The following SAMD12 variants were observed in gnomAD, a reference collection of about 807,000 sequenced individuals.
SAMD12 encodes the protein sterile alpha motif domain containing 12.
Under a neutral mutation model 15.0 loss-of-function variants are expected in SAMD12, and 9 were observed. That is an observed-to-expected ratio of 0.60 (90% CI 0.36 to 1.05). The LOEUF is 1.05. Ranked by LOEUF, SAMD12 falls within the 50% of genes least tolerant of loss-of-function variation. The pLI is 0.01. For synonymous variants in SAMD12, 86 were observed against 90.1 expected (o/e 0.96, Z 0.25); for missense variants, 230 against 234.2 (o/e 0.98, Z 0.12).
chr8:118,438,454 C>A (rs1049963925), intron 3 of SAMD12, among the ~76,000 whole-genome samples: 1 of 151,480 alleles, frequency 6.6e-6, no homozygotes, highest in East Asian at 1.9e-4. Flanking sequence ...CAAAATCAAT[C>A]AAGTTTTCTG....
intron 4 of SAMD12, among the ~76,000 whole-genome samples, chr8:118,311,401 G>A (rs1172889017): frequency 1.3e-5 from 2 of 152,176 alleles, no homozygotes; most frequent in Non-Finnish European, 2.9e-5. Context: ...GTCTGTGGTT[G>A]CTTTTGTGCT....
intron 3 of SAMD12, among the ~76,000 whole-genome samples, chr8:118,387,458 C>G (rs1199023265): frequency 2.7e-5 from 3 of 112,886 alleles, no homozygotes; most frequent in Non-Finnish European, 5.3e-5. Context: ...CCTCCTCCTC[C>G]TACTCCCCTC....
chr8:118,197,720 C>A, exon 5 of SAMD12: 1 of 1,613,462 alleles, frequency 6.2e-7, no homozygotes, highest in Non-Finnish European at 8.5e-7. Context: ...TTATGGAGAA[C>A]CCTCAGATGA....
chr8:118,457,939 C>A (rs898230001), intron 2 of SAMD12, among the ~76,000 whole-genome samples: 1 of 152,188 alleles, frequency 6.6e-6, no homozygotes, highest in Non-Finnish European at 1.5e-5. Flanking sequence ...TAGGGAGGAT[C>A]ATTCAGGACC....
intron 3 of SAMD12, among the ~76,000 whole-genome samples, chr8:118,427,089 T>G (rs143633289): frequency 8.5e-5 from 13 of 152,318 alleles, no homozygotes; most frequent in Non-Finnish European, 1.3e-4. Context: ...TAAGAATGCT[T>G]TGGTATCTTC....
At chr8:118,396,281 T>C (rs73327547) in intron 3 of SAMD12, among the ~76,000 whole-genome samples, 2 of 152,176 alleles carry the variant, frequency 1.3e-5, no homozygotes, top group South Asian at 4.1e-4. Context: ...CTGAGTTTTC[T>C]ATGTGAAAGT....
chr8:118,155,181 G>A, the SAMD12 span, among the ~76,000 whole-genome samples: 2 of 152,160 alleles, frequency 1.3e-5, no homozygotes, highest in Middle Eastern at 3.4e-3. Context: ...GTATTATAAA[G>A]TGTGGGTTCA....
chr8:118,204,305 G>C (rs1819800706), intron 4 of SAMD12, among the ~76,000 whole-genome samples: 2 of 152,108 alleles, frequency 1.3e-5, no homozygotes, highest in Non-Finnish European at 2.9e-5. Context: ...TCTATGATGG[G>C]AGAAATCATA....
At chr8:118,447,155 T>C (rs1822938565) in intron 2 of SAMD12, among the ~76,000 whole-genome samples, 1 of 152,148 alleles carries the variant, frequency 6.6e-6, no homozygotes, top group South Asian at 2.1e-4. Flanking sequence ...TACCCTCAAA[T>C]GTATCCAGAT....
intron 2 of SAMD12, among the ~76,000 whole-genome samples, chr8:118,569,222 A>G (rs1826938436): frequency 6.6e-6 from 1 of 152,180 alleles, no homozygotes; most frequent in African/African-American, 2.4e-5. Context: ...TTGACCTCAT[A>G]TTATAGGCCA....
In SAMD12 at chr8:118,352,851, C is replaced by T. The variant is rs113178438; in HGVS notation, c.433+26709G>A. 1.2e-3 allele frequency among the ~76,000 whole-genome samples: 190 copies of T among 152,180 alleles called. No homozygotes were observed. In the Middle Eastern group the frequency reaches 0.024, roughly 19 times the overall value. ...CAAAGACCTATGCTAACCGTAGAGC[C>T]AGCAAATGACTGATAAAAAGGAACT... is the stretch of plus-strand genomic sequence containing the variant. On this transcript the variant is annotated intron_variant, in intron 4 of 4. Coordinates refer to the SAMD12 transcript ENST00000409003.
At chr8:118,422,716 T>C (rs936084752) in intron 3 of SAMD12, among the ~76,000 whole-genome samples, 14 of 152,228 alleles carry the variant, frequency 9.2e-5, no homozygotes, top group African/African-American at 2.9e-4. Flanking sequence ...GGCAGGATCA[T>C]AGGAAGAAGA....
rs1243555952 is a variant in SAMD12, at chr8:118,378,879, T to C, written c.*538A>G. The C allele has an allele frequency of 1.0e-5, 10 of 971,686 alleles. No homozygotes were observed. The highest frequency in any genetic ancestry group is 1.2e-4 in the Admixed American group (2 of 16,480). The allele number at this position is 971,686 out of a possible 1,614,324, so 60.2% of individuals were successfully genotyped here. A position where few individuals can be genotyped will look rare whatever the true frequency, so the allele number is the denominator to read the frequency against. ...ATTGAGATCTTAAGTGCTCTCATCA[T>C]ATTGAAGTTATTTATAATTCCTGTT... On this transcript the variant is annotated 3_prime_UTR_variant, in exon 4 of 4. Coordinates refer to ENST00000314727, the MANE Select transcript of SAMD12 (RefSeq NM_207506.3).
At chr8:118,518,139 A>T (rs944609808) in intron 2 of SAMD12, among the ~76,000 whole-genome samples, 6 of 152,326 alleles carry the variant, frequency 3.9e-5, no homozygotes, top group Admixed American at 6.5e-5. Flanking sequence ...CTGTGGCCAA[A>T]GGGATAGCAT....
chr8:118,609,628 C>T (rs913738213), intron 1 of SAMD12, among the ~76,000 whole-genome samples: 2 of 152,162 alleles, frequency 1.3e-5, no homozygotes, highest in Admixed American at 6.5e-5. Flanking sequence ...TCTTTTTCAC[C>T]TAAGAAACAT....
chr8:118,602,221 G>A (rs993590107), intron 1 of SAMD12, among the ~76,000 whole-genome samples: 1 of 152,200 alleles, frequency 6.6e-6, no homozygotes, highest in Non-Finnish European at 1.5e-5. Flanking sequence ...TTGCACAACT[G>A]CCTTTGTCAA....
chr8:118,196,255 G>A lies in SAMD12; in HGVS notation c.*1455C>T, dbSNP rs1226752015. 3 of 152,242 alleles carry A rather than the reference G, an allele frequency of 2.0e-5. No individual in the cohort carries two copies. In the East Asian group the frequency reaches 5.8e-4, roughly 29 times the overall value. 9.4% of individuals were successfully genotyped at this position (152,242 alleles called of 1,614,324 possible). ...AACACCAAGCTTGCTTGCGTTGGAA[G>A]TCTTCCAGAACTGGTTACCCATATT... On this transcript the variant is annotated 3_prime_UTR_variant, in exon 5 of 5. Transcript: ENST00000409003.
chr8:118,234,053 T>C (rs1319446482), intron 4 of SAMD12, among the ~76,000 whole-genome samples: 1 of 152,156 alleles, frequency 6.6e-6, no homozygotes, highest in Non-Finnish European at 1.5e-5. Flanking sequence ...AAAGATGAAC[T>C]GAGATCTTTT....
chr8:118,450,115 C>G (rs1331474054), intron 2 of SAMD12, among the ~76,000 whole-genome samples: 1 of 152,198 alleles, frequency 6.6e-6, no homozygotes, highest in East Asian at 1.9e-4. Flanking sequence ...AGCACACTAT[C>G]CAGATGTGTA....
Sources: allele counts gnomAD v4.1 joint callset (sites outside exome capture counted in the v4.1 genomes callset), GRCh38; gene constraint gnomAD v4.1.1; transcripts MANE v1.5; gene names NCBI Gene and HGNC (gene_info 2026-07-23, HGNC 2026-07-21).